The following PDE1C variants were observed in gnomAD, a reference collection of about 807,000 sequenced individuals.
The protein encoded by PDE1C is phosphodiesterase 1C.
Under a neutral mutation model 93.1 loss-of-function variants are expected in PDE1C, and 62 were observed. That is an observed-to-expected ratio of 0.67 (90% CI 0.54 to 0.82). The LOEUF (loss-of-function observed/expected upper bound fraction) is 0.82, where lower values mean the gene tolerates loss of function less well. Ranked by LOEUF, PDE1C falls within the 40% of genes least tolerant of loss-of-function variation. PDE1C has a pLI of 0.00. For synonymous variants in PDE1C, 325 were observed against 310.1 expected (o/e 1.05, Z -0.50); for missense variants, 742 against 884.6 (o/e 0.84, Z 2.04).
chr7:31,999,730 A>G (rs1055046848), intron 2 of PDE1C, among the ~76,000 whole-genome samples: 3 of 152,222 alleles, frequency 2.0e-5, no homozygotes, highest in African/African-American at 7.2e-5. Context: ...ACACTTTACC[A>G]TATACAATTT....
intron 2 of PDE1C, among the ~76,000 whole-genome samples, chr7:31,927,095 A>G (rs1193009531): frequency 6.6e-6 from 1 of 152,130 alleles, no homozygotes; most frequent in African/African-American, 2.4e-5. Context: ...AGCAATCTGA[A>G]GTTGACCTGG....
chr7:31,840,019 A>G (rs1047945232), intron 9 of PDE1C, among the ~76,000 whole-genome samples: 3 of 152,222 alleles, frequency 2.0e-5, no homozygotes, highest in African/African-American at 7.2e-5. Flanking sequence ...CCTGGGTGAC[A>G]GAGAGAGACT....
At chr7:32,005,575 A>AC (rs1786110596) in intron 2 of PDE1C, among the ~76,000 whole-genome samples, 1 of 144,170 alleles carries the variant, frequency 6.9e-6, no homozygotes, top group Non-Finnish European at 1.5e-5. Context: ...AAAAAAAAAA[A>AC]AAAAAAGAAT....
chr7:32,170,712 A>G (rs968473235), intron 2 of PDE1C, among the ~76,000 whole-genome samples: 1 of 152,136 alleles, frequency 6.6e-6, no homozygotes, highest in South Asian at 2.1e-4. Context: ...GGACAACCCA[A>G]TAGTATGCCT....
the PDE1C span, among the ~76,000 whole-genome samples, chr7:31,686,188 C>G: frequency 6.6e-6 from 1 of 152,180 alleles, no homozygotes; most frequent in Non-Finnish European, 1.5e-5. Flanking sequence ...CCATTGGCTG[C>G]TATCAGGGGG....
At chr7:32,338,372 G>T (rs981397786) in intron 1 of PDE1C, among the ~76,000 whole-genome samples, 2 of 152,084 alleles carry the variant, frequency 1.3e-5, no homozygotes, top group African/African-American at 4.8e-5. Flanking sequence ...CACATGAAAA[G>T]ATACTAACAC....
chr7:31,660,888 T>A, the PDE1C span, among the ~76,000 whole-genome samples: 2 of 150,336 alleles, frequency 1.3e-5, no homozygotes, highest in East Asian at 3.9e-4. Context: ...TATACACATA[T>A]GTATGTGTAT....
chr7:32,400,596 T>G (rs1177961352), intron 1 of PDE1C, among the ~76,000 whole-genome samples: 1 of 152,238 alleles, frequency 6.6e-6, no homozygotes, highest in African/African-American at 2.4e-5. Context: ...ATGGAAAGTT[T>G]TCTTTTCTCC....
chr7:32,395,365 A>T (rs1562705492), intron 1 of PDE1C, among the ~76,000 whole-genome samples: 1 of 152,180 alleles, frequency 6.6e-6, no homozygotes, highest in Non-Finnish European at 1.5e-5. Context: ...AAAGTAAAAG[A>T]TTTCCAGAAA....
At chr7:31,746,631 T>C (rs1339281923), downstream of PDE1C, among the ~76,000 whole-genome samples, 6 of 152,188 alleles carry the variant, frequency 3.9e-5, no homozygotes, top group Non-Finnish European at 7.3e-5. Flanking sequence ...ATAAGTATAT[T>C]TCAGCAGTAG....
rs900617669 is a variant in PDE1C at position 31,833,724 on chromosome 7, A to G, written c.1203+3456T>C. Among the ~76,000 whole-genome samples the G allele has an allele frequency of 7.9e-5, 12 of 152,210 alleles. 1 individual carries two copies. Among genetic ancestry groups the G allele is most frequent in the Non-Finnish European group, 1.5e-4 (10 of 68,034 alleles). On this transcript the variant is annotated intron_variant, in intron 11 of 17. Transcript: ENST00000396191. ...GGAAACAATTTCTAAACAGGAAAAC[A>G]TTCAAGAGGTAACTTGGGTGCTGTT...
intron 1 of PDE1C, among the ~76,000 whole-genome samples, chr7:32,055,184 TG>T (rs1793905611): frequency 6.6e-6 from 1 of 152,234 alleles, no homozygotes; most frequent in Non-Finnish European, 1.5e-5. Context: ...TGATCAAAAA[TG>T]CTTTCTTTTT....
chr7:32,186,087 G>GTTTTTTTTTTTTT (rs10561469), intron 2 of PDE1C, among the ~76,000 whole-genome samples: 2 of 128,570 alleles, frequency 1.6e-5, no homozygotes, highest in Admixed American at 1.6e-4. Flanking sequence ...TTGTTTTTTT[G>GTTTTTTTTTTTTT]TTTTTTTTTT....
intron 2 of PDE1C, among the ~76,000 whole-genome samples, chr7:31,987,800 G>A (rs1276842393): frequency 6.6e-6 from 1 of 152,198 alleles, no homozygotes; most frequent in East Asian, 1.9e-4. Context: ...GTCTTTTGCT[G>A]AATTCTCTGG....
intron 1 of PDE1C, among the ~76,000 whole-genome samples, chr7:32,056,125 T>C (rs1296260134): frequency 6.6e-6 from 1 of 152,032 alleles, no homozygotes; most frequent in East Asian, 1.9e-4. Context: ...ACCAAGCTGA[T>C]GTAGAAAGTA....
At chr7:32,272,502 C>A (rs568806172) in intron 1 of PDE1C, among the ~76,000 whole-genome samples, 11 of 152,184 alleles carry the variant, frequency 7.2e-5, no homozygotes, top group Non-Finnish European at 1.5e-4. Flanking sequence ...AGTCTCAAAG[C>A]CAATGTTTAT....
At chr7:31,649,890 A>G in the PDE1C span, among the ~76,000 whole-genome samples, 2 of 152,190 alleles carry the variant, frequency 1.3e-5, no homozygotes, top group Non-Finnish European at 2.9e-5. Context: ...ACAGCAGGGG[A>G]AAGAGCTGAG....
At chr7:31,737,022 G>T in the PDE1C span, among the ~76,000 whole-genome samples, 1 of 152,042 alleles carries the variant, frequency 6.6e-6, no homozygotes. Context: ...TGTGATCATG[G>T]CTCACTGCAG....
intron 2 of PDE1C, among the ~76,000 whole-genome samples, chr7:32,045,390 A>G (rs1792408816): frequency 3.9e-5 from 6 of 152,134 alleles, no homozygotes; most frequent in Admixed American, 3.9e-4. Flanking sequence ...TAAACTGGAC[A>G]CATTCTCATG....
Sources: allele counts gnomAD v4.1 joint callset (sites outside exome capture counted in the v4.1 genomes callset), GRCh38; gene constraint gnomAD v4.1.1; transcripts MANE v1.5; gene names NCBI Gene and HGNC (gene_info 2026-07-23, HGNC 2026-07-21).